The following IQGAP3 variants were observed in gnomAD, a reference collection of about 807,000 sequenced individuals.
The protein encoded by IQGAP3 is ras GTPase-activating-like protein IQGAP3.
In IQGAP3, 165 loss-of-function variants were observed where a neutral mutation model predicts 208.2. The observed-to-expected ratio is 0.79, with a 90% confidence interval of 0.70 to 0.90. The LOEUF (loss-of-function observed/expected upper bound fraction) is 0.90, where lower values mean the gene tolerates loss of function less well. Ranked by LOEUF, IQGAP3 falls within the 40% of genes least tolerant of loss-of-function variation. The probability of loss-of-function intolerance (pLI) is 0.00; values close to 1 mark genes in which losing one functional copy is unlikely to be tolerated. For synonymous variants in IQGAP3, 703 were observed against 803.6 expected (o/e 0.87, Z 2.12); for missense variants, 1,811 against 2,043.1 (o/e 0.89, Z 2.19).
intron 13 of IQGAP3, among the ~76,000 whole-genome samples, chr1:156,552,757 C>T (rs1446497898): frequency 6.6e-6 from 1 of 152,178 alleles, no homozygotes; most frequent in Non-Finnish European, 1.5e-5. Flanking sequence ...GTTCTCAGCA[C>T]AGCAGCCAGA....
intron 2 of IQGAP3, among the ~76,000 whole-genome samples, chr1:156,567,596 C>T (rs1676465879): frequency 6.6e-6 from 1 of 152,174 alleles, no homozygotes; most frequent in African/African-American, 2.4e-5. Context: ...CCAAACTTCC[C>T]TACATATTGG....
chr1:156,560,109 T>G (rs1676076760), intron 11 of IQGAP3, among the ~76,000 whole-genome samples: 1 of 152,240 alleles, frequency 6.6e-6, no homozygotes, highest in Non-Finnish European at 1.5e-5. Flanking sequence ...ACAGGCCTAG[T>G]GTCCACAGGC....
At chr1:156,540,985 C>A in intron 22 of IQGAP3, 69 bp from the exon 23 acceptor site, 2 of 1,291,140 alleles carry the variant, frequency 1.5e-6, no homozygotes. Context: ...AGCCCCTGCC[C>A]GAGTCAGCCC....
chr1:156,538,567 C>A (rs1294992253), intron 26 of IQGAP3, among the ~76,000 whole-genome samples: 1 of 152,232 alleles, frequency 6.6e-6, no homozygotes, highest in Non-Finnish European at 1.5e-5. Flanking sequence ...CATCTGTACT[C>A]ATTTTATGTT....
In IQGAP3 at chr1:156,566,364, T is replaced by TAG. The variant is rs767593087; in HGVS notation, c.282+24_282+25dup. ...AAAGCATAGTTTGAGGGGACGAAGGTAGAAGGTGGGGTCCAATCCTCCCAC... is the reference window on the plus strand; with the variant it reads ...AAAGCATAGTTTGAGGGGACGAAGGTAGAGAAGGTGGGGTCCAATCCTCCCAC... On this transcript the variant is annotated intron_variant, in intron 3 of 37. Transcript: ENST00000361170. 5.6e-6 allele frequency: 9 copies of TAG among 1,610,850 alleles called. No homozygotes were observed. In the Admixed American group the frequency reaches 8.3e-5, roughly 15 times the overall value.
In IQGAP3 at chr1:156,561,004, C is replaced by G. The variant is rs1676124889; in HGVS notation, c.1059G>C (p.Glu353Asp). The change falls in exon 11 of 38, where the codon GAG (glutamate) becomes GAC (aspartate). Residue 353 changes from glutamate to aspartate, a missense_variant. Physicochemically the swap from Glu to Asp is conservative, Grantham distance 45. Transcript: ENST00000361170. ...EQKAQELGLV[E>D]LLEKEEVQAG... is the part of the protein sequence containing the mutation. ...CCTGGACTTCCTCCTTTTCCAGAAG[C>G]TCCACCAGGCCCAGCTCCTAAGAGA... is the stretch of plus-strand genomic sequence containing the variant. 3 of 1,613,510 alleles carry G rather than the reference C, an allele frequency of 1.9e-6. No individual in the cohort carries two copies. The highest frequency in any genetic ancestry group is 2.5e-6 in the Non-Finnish European group (3 of 1,179,662).
In IQGAP3 at chr1:156,539,355, TTG is replaced by T. The variant is rs1674867078; in HGVS notation, c.3056+17_3056+18del. 1 of 1,610,430 alleles carries T rather than the reference TTG, an allele frequency of 6.2e-7. No individual in the cohort carries two copies. The highest frequency in any genetic ancestry group is 1.3e-5 in the African/African-American group (1 of 74,870). ...CTTAACCCATTCTCTCCCCATTCCT[TTG>T]TGTCTGGAGAGCCTACTTGATTTCC... On this transcript the variant is annotated intron_variant, in intron 25 of 37. Coordinates refer to ENST00000361170, the MANE Select transcript of IQGAP3 (RefSeq NM_178229.5).
In IQGAP3 at chr1:156,556,683, A is replaced by G; in HGVS notation, c.1140T>C (p.Ala380=). ...GGATGGCTTTGTTGATCCGCTGCAC[A>G]GCGTGGAGCACTGCAAGGCAGGAGA... ...KGDQEQAMLH[A]VQRINKAIRR... The change falls in exon 12 of 38, where the codon GCT becomes GCC. Residue 380 remains alanine (A), a synonymous_variant. Transcript: ENST00000361170. 1 of 1,578,138 alleles carries G rather than the reference A, an allele frequency of 6.3e-7. No individual in the cohort carries two copies. The highest frequency in any genetic ancestry group is 1.3e-5 in the African/African-American group (1 of 74,306).
Position 156,526,441 on chromosome 1 carries a change from CA to C in IQGAP3, c.*44del. The C allele has an allele frequency of 8.2e-7, 1 of 1,222,048 alleles. No individual in the cohort carries two copies. The allele number at this position is 1,222,048 out of a possible 1,614,324, so 75.7% of individuals were successfully genotyped here. ...AGTGGTGAGTTAGTGTTAAAGAAAG[CA>C]TCCAGAGAGGTAAGAGGGGCTTGGG... On this transcript the variant is annotated 3_prime_UTR_variant, in exon 38 of 38. Coordinates refer to ENST00000361170, the MANE Select transcript of IQGAP3 (RefSeq NM_178229.5).
At chr1:156,550,065 T>C (rs1316904658) in intron 16 of IQGAP3, among the ~76,000 whole-genome samples, 196 bp downstream of exon 16, 1 of 152,158 alleles carries the variant, frequency 6.6e-6, no homozygotes, top group African/African-American at 2.4e-5. Context: ...CTCCTGAGAA[T>C]GTCCTGCCCT....
intron 28 of IQGAP3, 141 bp from the exon 29 acceptor site, chr1:156,534,874 C>G (rs1674617267): frequency 1.5e-6 from 1 of 680,302 alleles, no homozygotes; most frequent in African/African-American, 1.8e-5. Flanking sequence ...AGCAGGCAGA[C>G]AACTTGCTTA....
rs919613893 is a variant in IQGAP3, at chr1:156,527,956, T to C, written c.4778A>G (p.Tyr1593Cys). The change falls in exon 37 of 38, where the codon TAT becomes TGT. Residue 1593 changes from tyrosine (Y) to cysteine (C), a missense_variant. Tyr to Cys is a radical substitution (Grantham distance 194, BLOSUM62 -2). Transcript: ENST00000361170. The part of the protein sequence containing the change: ...GVDMERFQLH[Y>C]QDLLQLQYEG... ...CTCATGGGACTGTCCCCTCACCTGA[T>C]AGTGAAGCTGAAATCGCTCCATGTC... 6.2e-6 allele frequency: 10 copies of C among 1,608,426 alleles called. No individual in the cohort carries two copies. The highest frequency in any genetic ancestry group is 2.2e-5 in the East Asian group (1 of 44,882).
At chr1:156,563,464 C>A in intron 7 of IQGAP3, 89 bp downstream of exon 7, 1 of 1,339,092 alleles carries the variant, frequency 7.5e-7, no homozygotes, top group Non-Finnish European at 1.0e-6. Context: ...TGGATGAGAG[C>A]TGGCCAGAAC....
rs376090864 is a variant in IQGAP3 at position 156,563,598 on chromosome 1, T to A, written c.574A>T (p.Ile192Phe). ...AGCTCATTGGCCAAGATGCCCCCGA[T>A]CTTGCTGAAGGCAGGCAGCTGGAGG... Reference protein sequence around the residue: ...YGLQLPAFSKIGGILANELSV... With the variant: ...YGLQLPAFSKFGGILANELSV... The change falls in exon 7 of 38, where the codon ATC becomes TTC. Residue 192 changes from isoleucine (I) to phenylalanine (F), a missense_variant. By Grantham distance (21) the Ile-to-Phe change is conservative. Coordinates refer to ENST00000361170, the MANE Select transcript of IQGAP3 (RefSeq NM_178229.5). 2.5e-6 allele frequency: 4 copies of A among 1,612,956 alleles called. No homozygotes were observed. The African/African-American group carries it at 5.4e-5, about 22-fold the overall frequency.
intron 22 of IQGAP3, 102 bp from the exon 23 acceptor site, chr1:156,541,018 G>T: frequency 1.1e-6 from 1 of 888,704 alleles, no homozygotes; most frequent in Non-Finnish European, 1.8e-6. Context: ...GTTCTGCTTG[G>T]GATCAGCAGG....
At chr1:156,571,375 C>G (rs1330362608) in intron 1 of IQGAP3, among the ~76,000 whole-genome samples, 1 of 151,346 alleles carries the variant, frequency 6.6e-6, no homozygotes, top group Non-Finnish European at 1.5e-5. Context: ...CGGTTGTTAT[C>G]CTATTTCCTT....
chr1:156,546,291 GA>G (rs1368206273), intron 19 of IQGAP3, among the ~76,000 whole-genome samples: 1 of 152,116 alleles, frequency 6.6e-6, no homozygotes, highest in Non-Finnish European at 1.5e-5. Context: ...CCTCATTTTG[GA>G]TTTTCCTTTC....
intron 1 of IQGAP3, 65 bp from the exon 2 acceptor site, chr1:156,569,528 CTTTT>C (rs34005985): frequency 3.1e-3 from 424 of 137,062 alleles, no homozygotes; most frequent in Middle Eastern, 0.015. Flanking sequence ...ACTGAAGGGT[CTTTT>C]TTTTTTTTTT....
chr1:156,527,350 C>T lies in IQGAP3; in HGVS notation c.4782+602G>A, dbSNP rs192958055. On this transcript the variant is annotated intron_variant, in intron 37 of 37. Coordinates refer to ENST00000361170, the MANE Select transcript of IQGAP3 (RefSeq NM_178229.5). ...CACAAAAAGCCGGTGTGGTGGCGCA[C>T]GCCTGTAATCCCAGCTACTCAGGAA... 1.8e-4 allele frequency among the ~76,000 whole-genome samples: 28 copies of T among 151,846 alleles called. 1 individual carries two copies. Among genetic ancestry groups the T allele is most frequent in the South Asian group, 1.0e-3 (5 of 4,786 alleles).
Sources: gnomAD v4.1 joint callset for allele counts (sites outside exome capture counted in the v4.1 genomes callset) on GRCh38, gnomAD v4.1.1 for gene constraint, MANE v1.5 for transcripts, NCBI Gene and HGNC (gene_info 2026-07-23, HGNC 2026-07-21) for gene names.